Variants in WNK3 observed in about 807,000 individuals in gnomAD.
WNK3 encodes WNK lysine deficient protein kinase 3, also known as serine/threonine-protein kinase WNK3.
In WNK3, 18 loss-of-function variants were observed where a neutral mutation model predicts 116.7. That is an observed-to-expected ratio of 0.15 (90% CI 0.11 to 0.23). The LOEUF (loss-of-function observed/expected upper bound fraction) is 0.23. Ranked by LOEUF, WNK3 falls within the 10% of genes least tolerant of loss-of-function variation. The pLI is 1.00. For missense variants in WNK3, 993 were observed against 1,323.8 expected, an observed-to-expected ratio of 0.75 and a Z score of 3.88; for synonymous variants, 404 against 469.4, an observed-to-expected ratio of 0.86 and a Z score of 1.80.
intron 11 of WNK3, among the ~76,000 whole-genome samples, chrX:54,258,281 A>C (rs2068218761): frequency 9.3e-6 from 1 of 107,498 alleles, no homozygotes; most frequent in African/African-American, 3.4e-5. Context: ...CCATCTCAAA[A>C]AAAAAAAAAA....
At chrX:54,322,147 T>C (rs1410823323) in intron 2 of WNK3, among the ~76,000 whole-genome samples, 1 of 111,692 alleles carries the variant, frequency 9.0e-6, no homozygotes, top group Non-Finnish European at 1.9e-5. Context: ...TCGGTTCATT[T>C]GGTCAGGCTC....
At chrX:54,347,073 A>C (rs1389827107) in intron 1 of WNK3, among the ~76,000 whole-genome samples, 1 of 112,278 alleles carries the variant, frequency 8.9e-6, no homozygotes, top group Non-Finnish European at 1.9e-5. Context: ...GTTTACAAAA[A>C]TCAGGCCTCA....
At chrX:54,213,838 T>C (rs893717454) in intron 22 of WNK3, among the ~76,000 whole-genome samples, 1 of 110,876 alleles carries the variant, frequency 9.0e-6, no homozygotes, top group South Asian at 3.8e-4. Flanking sequence ...TCATATTATC[T>C]GTAAACACAA....
chrX:54,238,588 T>A, intron 18 of WNK3, 116 bp from the exon 19 acceptor site: 1 of 724,543 alleles, frequency 1.4e-6, no homozygotes, highest in Non-Finnish European at 2.0e-6. Context: ...GCTAGACAAT[T>A]AAAAGGTGTT....
At chrX:54,352,244 T>C (rs2069526250) in intron 1 of WNK3, among the ~76,000 whole-genome samples, 1 of 111,839 alleles carries the variant, frequency 8.9e-6, no homozygotes, top group African/African-American at 3.2e-5. Context: ...ATAAAAATAA[T>C]TTTTTAAAAA....
Position 54,308,094 on chromosome X carries a change from C to A in WNK3, c.932-15G>T. On this transcript the variant is annotated splice_polypyrimidine_tract_variant and intron_variant, in intron 4 of 23. Transcript: ENST00000354646. ...CTCAGGAGTTCCTACAAAATAACAC[C>A]ACCACCACATTCTTATAGAAGAGAA... 8.6e-7 allele frequency: 1 copy of A among 1,168,127 alleles called. No individual in the cohort carries two copies. Among genetic ancestry groups the A allele is most frequent in the Non-Finnish European group, 1.2e-6 (1 of 869,515 alleles).
exon 10 of WNK3, chrX:54,292,966 A>G (rs1569538111): frequency 8.3e-7 from 1 of 1,211,185 alleles, no homozygotes; most frequent in East Asian, 3.0e-5. Flanking sequence ...GGACATGTAC[A>G]GGTAAAACAG....
chrX:54,273,653 T>TAG (rs1250257393), intron 10 of WNK3, among the ~76,000 whole-genome samples: 4 of 111,769 alleles, frequency 3.6e-5, no homozygotes, highest in Admixed American at 1.9e-4. Flanking sequence ...CAGAAACCAA[T>TAG]AGATCACATC....
At chrX:54,273,358 C>T (rs1174615746) in intron 10 of WNK3, among the ~76,000 whole-genome samples, 1 of 111,248 alleles carries the variant, frequency 9.0e-6, no homozygotes, top group African/African-American at 3.3e-5. Context: ...TTTGGGAGGC[C>T]GAGGCGGGTA....
At chrX:54,266,145 T>C (rs1307091054) in intron 10 of WNK3, among the ~76,000 whole-genome samples, 2 of 112,342 alleles carry the variant, frequency 1.8e-5, no homozygotes, top group East Asian at 5.6e-4. Flanking sequence ...GATATTGTCA[T>C]AGATGGAACT....
intron 5 of WNK3, among the ~76,000 whole-genome samples, chrX:54,305,993 T>C (rs1365720792): frequency 9.0e-6 from 1 of 110,510 alleles, no homozygotes; most frequent in Non-Finnish European, 1.9e-5. Flanking sequence ...AGGTGGAGGA[T>C]GCAGTGAGCC....
At chrX:54,201,490 A>G (rs535427076) in intron 23 of WNK3, among the ~76,000 whole-genome samples, 1 of 112,369 alleles carries the variant, frequency 8.9e-6, no homozygotes, top group East Asian at 2.8e-4. Context: ...AAGAATATTG[A>G]CGTGAAACAC....
chrX:54,312,791 A>G (rs2068903755), intron 2 of WNK3, among the ~76,000 whole-genome samples: 1 of 111,241 alleles, frequency 9.0e-6, no homozygotes, highest in Non-Finnish European at 1.9e-5. Flanking sequence ...CATCAGGTAC[A>G]TTAATCGTTT....
chrX:54,214,309 C>CA (rs1265844537), intron 22 of WNK3, among the ~76,000 whole-genome samples: 5 of 110,964 alleles, frequency 4.5e-5, no homozygotes, highest in Admixed American at 9.7e-5. Context: ...AAAAACCTCC[C>CA]AAAAAAGAAA....
chrX:54,239,012 C>T (rs1557150923), exon 18 of WNK3: 2 of 1,210,486 alleles, frequency 1.7e-6, no homozygotes, highest in South Asian at 1.8e-5. Flanking sequence ...TATCCACCTC[C>T]TGTCTGCAGA....
chrX:54,350,812 T>C (rs1285030537), intron 1 of WNK3, among the ~76,000 whole-genome samples: 1 of 111,357 alleles, frequency 9.0e-6, no homozygotes, highest in African/African-American at 3.3e-5. Flanking sequence ...AGAACTTAAA[T>C]ATCCATCTAT....
At chrX:54,292,977 T>C (rs2068655618) in exon 10 of WNK3, 2 of 1,211,148 alleles carry the variant, frequency 1.7e-6, no homozygotes, top group South Asian at 1.8e-5. Context: ...GGTAAAACAG[T>C]GGACTGACCT....
At chrX:54,242,521 G>T (rs2068032559) in intron 17 of WNK3, among the ~76,000 whole-genome samples, 1 of 112,359 alleles carries the variant, frequency 8.9e-6, no homozygotes, top group Non-Finnish European at 1.9e-5. Flanking sequence ...ATTTCCAAAT[G>T]TACTATAAAA....
At chrX:54,223,160 A>G (rs1170400683) in intron 22 of WNK3, among the ~76,000 whole-genome samples, 1 of 109,952 alleles carries the variant, frequency 9.1e-6, no homozygotes, top group Non-Finnish European at 1.9e-5. Flanking sequence ...AATAAAAAAC[A>G]TGATTTAACT....
Sources: gnomAD v4.1 joint callset for allele counts (sites outside exome capture counted in the v4.1 genomes callset) on GRCh38, gnomAD v4.1.1 for gene constraint, MANE v1.5 for transcripts, NCBI Gene and HGNC (gene_info 2026-07-23, HGNC 2026-07-21) for gene names.